Variants in LRFN2 observed in about 807,000 individuals in gnomAD.
The protein encoded by LRFN2 is leucine rich repeat and fibronectin type III domain containing 2.
A neutral mutation model predicts 37.3 loss-of-function variants in LRFN2; 18 were observed. The ratio of observed to expected loss-of-function variants is 0.48; its 90% CI spans 0.33 to 0.72. LRFN2 has a LOEUF of 0.72. Ranked by LOEUF, LRFN2 falls within the 30% of genes least tolerant of loss-of-function variation. The pLI, the probability that LRFN2 is intolerant of heterozygous loss-of-function variation, is 0.02. For missense variants in LRFN2, 1,006 were observed against 1,060.7 expected (o/e 0.95, Z 0.72); for synonymous variants, 556 against 466.6 (o/e 1.19, Z -2.47).
chr6:40,535,458 C>G (rs1046697038), intron 1 of LRFN2, among the ~76,000 whole-genome samples: 2 of 152,200 alleles, frequency 1.3e-5, no homozygotes, highest in Non-Finnish European at 2.9e-5. Flanking sequence ...CTGTCCCTGC[C>G]ATTGCCTTGG....
chr6:40,474,047 G>T (rs1275543908), intron 1 of LRFN2, among the ~76,000 whole-genome samples: 2 of 152,088 alleles, frequency 1.3e-5, no homozygotes, highest in East Asian at 1.9e-4. Context: ...TAGGGTCGTT[G>T]TTTTTTTAGA....
At chr6:40,568,330 T>A (rs1249398847) in intron 1 of LRFN2, among the ~76,000 whole-genome samples, 1 of 151,984 alleles carries the variant, frequency 6.6e-6, no homozygotes, top group Non-Finnish European at 1.5e-5. Flanking sequence ...GAACTGTGAG[T>A]TGGCATGCAG....
At chr6:40,421,765 G>T (rs920378005) in intron 2 of LRFN2, among the ~76,000 whole-genome samples, 1 of 152,170 alleles carries the variant, frequency 6.6e-6, no homozygotes, top group Non-Finnish European at 1.5e-5. Flanking sequence ...GAATGGAGGG[G>T]TTCATTCAAT....
intron 2 of LRFN2, among the ~76,000 whole-genome samples, chr6:40,422,604 TG>T (rs776394962): frequency 1.3e-5 from 2 of 152,166 alleles, no homozygotes; most frequent in Non-Finnish European, 1.5e-5. Context: ...TGAATAGAGC[TG>T]GGTTCTGTGA....
intron 2 of LRFN2, 89 bp from the exon 3 acceptor site, chr6:40,393,001 C>G: frequency 1.9e-6 from 2 of 1,044,146 alleles, no homozygotes; most frequent in Non-Finnish European, 2.6e-6. Context: ...AACAGAGTGA[C>G]AGAGATGGGG....
intron 1 of LRFN2, among the ~76,000 whole-genome samples, chr6:40,548,606 G>T (rs144208955): frequency 2.0e-5 from 3 of 152,270 alleles, no homozygotes; most frequent in African/African-American, 7.2e-5. Context: ...TTGACTTGGG[G>T]AGCTATGTGG....
Position 40,580,338 on chromosome 6 carries a change from G to T in LRFN2, c.-19+6603C>A, listed in dbSNP as rs1767375843. ...AGACACGATCACCAAGAAGCGGCTG[G>T]AGTATGCACATGTCCTGGCTGAGAA... On this transcript the variant is annotated intron_variant, in intron 1 of 2. Transcript: ENST00000338305. 2.6e-5 allele frequency among the ~76,000 whole-genome samples: 4 copies of T among 152,276 alleles called. No individual in the cohort carries two copies. The South Asian group carries it at 8.3e-4, about 32-fold the overall frequency.
At chr6:40,485,270 G>A (rs561500550) in intron 1 of LRFN2, among the ~76,000 whole-genome samples, 13 of 152,162 alleles carry the variant, frequency 8.5e-5, no homozygotes, top group South Asian at 4.2e-4. Flanking sequence ...CCCTTCTCCC[G>A]GGCATCGTGG....
At position 40,392,192 on chromosome 6, in the gene LRFN2, C is replaced by T; in HGVS notation, c.2121G>A (p.Arg707=). ...PLLGPPAARA[R]SLLPLPLEGK... is the part of the protein sequence containing the mutation. ...CCTCCAACGGCAAGGGGAGCAGGCT[C>T]CTGGCCCGGGCCGCAGGGGGCCCCA... is the stretch of plus-strand genomic sequence containing the variant. Residue 707 remains arginine, a synonymous_variant, in exon 3 of 3, where the codon AGG becomes AGA. Transcript: ENST00000338305. The surrounding 1 kb of genome is among the most constrained non-coding windows in gnomAD (Gnocchi z 4.7). 6.3e-7 allele frequency: 1 copy of T among 1,584,016 alleles called. No individual in the cohort carries two copies. Among genetic ancestry groups the T allele is most frequent in the Non-Finnish European group, 8.6e-7 (1 of 1,164,974 alleles).
At chr6:40,583,275 G>A (rs574532729) in intron 1 of LRFN2, among the ~76,000 whole-genome samples, 147 of 90,462 alleles carry the variant, frequency 1.6e-3, no homozygotes, top group African/African-American at 6.8e-3. Flanking sequence ...TGTATGGGAG[G>A]GTGTGATTAG....
At chr6:40,505,788 C>T (rs186360350) in intron 1 of LRFN2, among the ~76,000 whole-genome samples, 17 of 152,220 alleles carry the variant, frequency 1.1e-4, no homozygotes, top group African/African-American at 4.1e-4. Context: ...AAGATCATGC[C>T]TCCTGGCAGG....
rs546420840 is a variant in LRFN2, at chr6:40,475,501, G to T, written c.-18-42370C>A. On this transcript the variant is annotated intron_variant, in intron 1 of 2. Transcript: ENST00000338305. ...GGTGTCATGAGATGTGTGCTCAAGG[G>T]GTGCACAGACAGCTTCTATAGGTTG... 2.2e-4 allele frequency among the ~76,000 whole-genome samples: 34 copies of T among 152,182 alleles called. 1 individual carries two copies. Among genetic ancestry groups the T allele is most frequent in the African/African-American group, 8.0e-4 (33 of 41,504 alleles).
At chr6:40,481,151 T>C (rs769165720) in intron 1 of LRFN2, among the ~76,000 whole-genome samples, 1 of 152,130 alleles carries the variant, frequency 6.6e-6, no homozygotes, top group Non-Finnish European at 1.5e-5. Flanking sequence ...AAAGCATTTA[T>C]TGGGCCCAGT....
At chr6:40,513,683 G>A (rs1367927840) in intron 1 of LRFN2, among the ~76,000 whole-genome samples, 1 of 152,192 alleles carries the variant, frequency 6.6e-6, no homozygotes, top group Non-Finnish European at 1.5e-5. Flanking sequence ...TATATAATCT[G>A]TGCAAAGGTG....
At chr6:40,403,409 G>T (rs968150865) in intron 2 of LRFN2, among the ~76,000 whole-genome samples, 7 of 152,148 alleles carry the variant, frequency 4.6e-5, no homozygotes, top group Admixed American at 4.6e-4. Flanking sequence ...TCTTCCAGTT[G>T]GGGCCAGGGA....
intron 1 of LRFN2, among the ~76,000 whole-genome samples, chr6:40,443,799 C>G (rs554199621): frequency 1.3e-5 from 2 of 152,122 alleles, no homozygotes; most frequent in African/African-American, 4.8e-5. Flanking sequence ...TGGCATAGCA[C>G]CCAGTGGGTG....
intron 1 of LRFN2, among the ~76,000 whole-genome samples, chr6:40,551,498 G>C (rs886827696): frequency 6.6e-6 from 1 of 152,172 alleles, no homozygotes; most frequent in Non-Finnish European, 1.5e-5. Context: ...ACCCTTGATC[G>C]TTTCAACTAG....
Position 40,392,045 on chromosome 6 carries a change from G to T in LRFN2, c.2268C>A (p.Ser756Arg). 2.5e-6 allele frequency: 4 copies of T among 1,614,048 alleles called. No individual in the cohort carries two copies. Among genetic ancestry groups the T allele is most frequent in the Non-Finnish European group, 3.4e-6 (4 of 1,179,974 alleles). The change falls in exon 3 of 3, where the codon AGC becomes AGA. Residue 756 changes from serine to arginine, a missense_variant. Ser to Arg is a moderately radical substitution (Grantham distance 110). This residue lies in a region of LRFN2 where 398 missense variants were observed against 327.6 expected (regional missense o/e 1.21). Transcript: ENST00000338305. This position sits in a 1 kb window ranked among gnomAD's most constrained non-coding sequence, Gnocchi z 4.7. ...RKVSNIWTKR[S>R]LSVNGMLLPF... ...GCAAGAGCATGCCGTTGACAGAGAG[G>T]CTGCGCTTCGTCCAGATGTTCGAGA...
At chr6:40,453,554 A>ACCCC (rs1554136361) in intron 1 of LRFN2, among the ~76,000 whole-genome samples, 1 of 128,328 alleles carries the variant, frequency 7.8e-6, no homozygotes, top group Non-Finnish European at 1.7e-5. Flanking sequence ...ACACACACAC[A>ACCCC]CCTCCCTTTG....
Sources: allele counts gnomAD v4.1 joint callset (sites outside exome capture counted in the v4.1 genomes callset), GRCh38; gene constraint gnomAD v4.1.1; regional missense constraint gnomAD v4.1.1; non-coding constraint Gnocchi (gnomAD v3.1); transcripts MANE v1.5; gene names NCBI Gene and HGNC (gene_info 2026-07-23, HGNC 2026-07-21).